Variants in GMDS observed in about 807,000 individuals in gnomAD.
The protein encoded by GMDS is GDP-mannose 4,6 dehydratase.
A neutral mutation model predicts 49.9 loss-of-function variants in GMDS; 20 were observed. That is an observed-to-expected ratio of 0.40 (90% CI 0.28 to 0.58). GMDS has a LOEUF of 0.58. GMDS is among the 20% of genes least tolerant of loss of function. GMDS has a pLI of 0.42. For missense variants in GMDS, 362 were observed against 481.4 expected (o/e 0.75, Z 2.32); for synonymous variants, 177 against 178.6 (o/e 0.99, Z 0.07).
At position 1,790,234 on chromosome 6, in the gene GMDS, T is replaced by C. The variant is rs1769481501; in HGVS notation, c.772-47648A>G. Among the ~76,000 whole-genome samples, 4 of 152,120 alleles carry C rather than the reference T, an allele frequency of 2.6e-5. 1 individual carries two copies. The South Asian group carries it at 6.2e-4, about 24-fold the overall frequency. ...AGAAATTTTCAGCATTTAGGGCTTATTAGACAAGCCCCTCTTCTCAAAAAG... is the reference window on the plus strand; with the variant it reads ...AGAAATTTTCAGCATTTAGGGCTTACTAGACAAGCCCCTCTTCTCAAAAAG... On this transcript the variant is annotated intron_variant, in intron 7 of 10. Transcript: ENST00000380815.
chr6:1,932,842 TG>T (rs1263814558), intron 6 of GMDS, among the ~76,000 whole-genome samples: 1 of 152,234 alleles, frequency 6.6e-6, no homozygotes, highest in Non-Finnish European at 1.5e-5. Context: ...CCGCTCAAAA[TG>T]TAATTTTAAC....
At chr6:1,676,051 A>G (rs562857706) in intron 9 of GMDS, among the ~76,000 whole-genome samples, 1 of 152,258 alleles carries the variant, frequency 6.6e-6, no homozygotes, top group Non-Finnish European at 1.5e-5. Context: ...TCAGCCCAAA[A>G]TCTCCTCAAG....
chr6:2,134,212 G>A (rs1332854332), intron 1 of GMDS, among the ~76,000 whole-genome samples: 1 of 152,196 alleles, frequency 6.6e-6, no homozygotes, highest in Admixed American at 6.5e-5. Flanking sequence ...AACAGTTGGC[G>A]AGATACTGAG....
At chr6:2,226,434 A>G (rs1012167854) in intron 1 of GMDS, among the ~76,000 whole-genome samples, 2 of 152,214 alleles carry the variant, frequency 1.3e-5, no homozygotes, top group African/African-American at 4.8e-5. Context: ...TTTTCGCATT[A>G]CTGTGTGCTA....
intron 7 of GMDS, among the ~76,000 whole-genome samples, chr6:1,756,088 T>C (rs1290651979): frequency 6.6e-6 from 1 of 152,122 alleles, no homozygotes; most frequent in African/African-American, 2.4e-5. Context: ...CCTCCAAAAG[T>C]GGGCAAAGGA....
intron 7 of GMDS, among the ~76,000 whole-genome samples, chr6:1,838,226 T>C (rs530071374): frequency 6.6e-6 from 1 of 152,306 alleles, no homozygotes; most frequent in African/African-American, 2.4e-5. Flanking sequence ...GAGCCAGACA[T>C]ATTAAAAAAT....
At chr6:2,228,129 CCTAT>C (rs956383955) in intron 1 of GMDS, among the ~76,000 whole-genome samples, 5 of 152,212 alleles carry the variant, frequency 3.3e-5, no homozygotes, top group African/African-American at 9.7e-5. Flanking sequence ...ATGGCAGGCA[CCTAT>C]CTGAGTGTGC....
intron 1 of GMDS, among the ~76,000 whole-genome samples, chr6:2,170,947 A>G (rs879887729): frequency 1.3e-5 from 2 of 152,080 alleles, no homozygotes; most frequent in Non-Finnish European, 2.9e-5. Flanking sequence ...GTGAGCCGAG[A>G]TTGCACCACT....
At chr6:1,999,212 C>T (rs540539500) in intron 4 of GMDS, among the ~76,000 whole-genome samples, 7 of 150,728 alleles carry the variant, frequency 4.6e-5, no homozygotes, top group Non-Finnish European at 8.8e-5. Flanking sequence ...ATTCCAGCTA[C>T]TTGGGAGGCT....
chr6:2,028,492 C>T (rs1581538887), intron 4 of GMDS, among the ~76,000 whole-genome samples: 1 of 152,184 alleles, frequency 6.6e-6, no homozygotes, highest in African/African-American at 2.4e-5. Context: ...CCATGTAATT[C>T]TGAGTGGACT....
chr6:1,937,423 T>C (rs1381406390), intron 6 of GMDS, among the ~76,000 whole-genome samples: 1 of 152,264 alleles, frequency 6.6e-6, no homozygotes, highest in Non-Finnish European at 1.5e-5. Flanking sequence ...AGGACTATAT[T>C]AGTTCCTAGG....
At chr6:1,960,698 T>G in intron 5 of GMDS, 76 bp downstream of exon 5, 2 of 948,980 alleles carry the variant, frequency 2.1e-6, no homozygotes, top group South Asian at 4.4e-5. Flanking sequence ...ATGAACAGAA[T>G]GAAAGGAAAA....
chr6:2,085,351 C>T (rs1324761709), intron 4 of GMDS, among the ~76,000 whole-genome samples: 3 of 151,846 alleles, frequency 2.0e-5, no homozygotes, highest in South Asian at 4.1e-4. Context: ...ATATGTTAGG[C>T]TAAATAAAAA....
intron 9 of GMDS, among the ~76,000 whole-genome samples, chr6:1,719,607 C>A (rs1766296435): frequency 2.1e-5 from 3 of 140,060 alleles, no homozygotes; most frequent in South Asian, 2.5e-4. Context: ...ACAGGAAGAG[C>A]ACTGCTGATT....
At chr6:1,821,614 T>C (rs1430704508) in intron 7 of GMDS, among the ~76,000 whole-genome samples, 1 of 32,230 alleles carries the variant, frequency 3.1e-5, no homozygotes, top group Admixed American at 3.9e-4. Flanking sequence ...TTTATTTGTT[T>C]TTTTTTTTTT....
intron 7 of GMDS, among the ~76,000 whole-genome samples, chr6:1,787,185 T>C (rs748609951): frequency 2.0e-5 from 3 of 152,218 alleles, no homozygotes; most frequent in Non-Finnish European, 2.9e-5. Flanking sequence ...TGAGTTATCA[T>C]TGTTCTAGTA....
intron 7 of GMDS, among the ~76,000 whole-genome samples, chr6:1,846,035 T>C (rs1186912542): frequency 6.6e-6 from 1 of 151,672 alleles, no homozygotes; most frequent in Admixed American, 6.6e-5. Context: ...GTCTTTTTGA[T>C]AATATTAGAT....
chr6:1,697,737 G>A (rs1765393864), intron 9 of GMDS, among the ~76,000 whole-genome samples: 1 of 152,188 alleles, frequency 6.6e-6, no homozygotes, highest in Non-Finnish European at 1.5e-5. Context: ...TGATGCTTGT[G>A]CAAGTCTGAG....
chr6:1,746,848 T>C (rs1767518596), intron 7 of GMDS, among the ~76,000 whole-genome samples: 1 of 152,000 alleles, frequency 6.6e-6, no homozygotes, highest in Non-Finnish European at 1.5e-5. Flanking sequence ...ATTATAGTTG[T>C]GCGCCACCAT....
Sources: gnomAD v4.1 joint callset for allele counts (sites outside exome capture counted in the v4.1 genomes callset) on GRCh38, gnomAD v4.1.1 for gene constraint, MANE v1.5 for transcripts, NCBI Gene and HGNC (gene_info 2026-07-23, HGNC 2026-07-21) for gene names.